Variants in ALLC observed in about 807,000 individuals in gnomAD.
ALLC encodes probable inactive allantoicase.
Under a neutral mutation model 45.0 loss-of-function variants are expected in ALLC, and 40 were observed. The ratio of observed to expected loss-of-function variants is 0.89; its 90% confidence interval spans 0.69 to 1.16. The LOEUF (loss-of-function observed/expected upper bound fraction) is 1.16. Among genes scored for constraint, ALLC ranks in the 50% most tolerant of loss-of-function variants. The pLI is 0.00. For synonymous variants in ALLC, 176 were observed against 178.1 expected, an observed-to-expected ratio of 0.99 and a Z score of 0.09; for missense variants, 488 against 493.1, an observed-to-expected ratio of 0.99 and a Z score of 0.10.
Position 3,702,228 on chromosome 2 carries a change from A to T in ALLC, c.976-135A>T, listed in dbSNP as rs561873720. On this transcript the variant is annotated intron_variant, in intron 11 of 11. Transcript: ENST00000252505. The stretch of plus-strand genomic sequence containing the variant: ...CTAGCAGATTTTCATGGAAAGCCCA[A>T]TTATCATCAATTAATAACTTATTTT... 1.0e-5 allele frequency: 7 copies of T among 689,896 alleles called. No individual in the cohort carries two copies. The African/African-American group carries it at 1.3e-4, about 13-fold the overall frequency. The allele number at this position is 689,896 out of a possible 1,614,324, so 42.7% of individuals were successfully genotyped here. A position where few individuals can be genotyped will look rare whatever the true frequency, so the allele number is the denominator to read the frequency against.
chr2:3,649,492 C>T, the ALLC span, among the ~76,000 whole-genome samples: 11 of 152,206 alleles, frequency 7.2e-5, no homozygotes, highest in Non-Finnish European at 5.9e-5. Context: ...CCACCCGCCT[C>T]GGCCTCCCAA....
At chr2:3,697,151 T>C (rs1302790566) in intron 9 of ALLC, among the ~76,000 whole-genome samples, 197 bp from the exon 10 acceptor site, 1 of 152,148 alleles carries the variant, frequency 6.6e-6, no homozygotes, top group Non-Finnish European at 1.5e-5. Flanking sequence ...AACTCACAAA[T>C]TGGCAAGAGA....
Position 3,702,579 on chromosome 2 carries a change from G to A in ALLC, c.*16G>A, listed in dbSNP as rs368510551. The A allele has an allele frequency of 5.9e-6, 9 of 1,517,920 alleles. No homozygotes were observed. The highest frequency in any genetic ancestry group is 7.9e-6 in the Non-Finnish European group (9 of 1,133,676). The allele number at this position is 1,517,920 out of a possible 1,614,324, so 94.0% of individuals were successfully genotyped here. On this transcript the variant is annotated 3_prime_UTR_variant, in exon 12 of 12. Transcript: ENST00000252505. ...AAACCCTTAACACACACAAAGCCCC[G>A]GTGTCGGACACACAGCAGTAATTTC...
chr2:3,654,890 G>A (rs1443437887), upstream of ALLC, among the ~76,000 whole-genome samples: 1 of 152,254 alleles, frequency 6.6e-6, no homozygotes, highest in Non-Finnish European at 1.5e-5. Flanking sequence ...GGATAAAGAA[G>A]CGCTTTGCAT....
At chr2:3,673,549 C>T (rs1294221223) in intron 2 of ALLC, among the ~76,000 whole-genome samples, 1 of 152,224 alleles carries the variant, frequency 6.6e-6, no homozygotes, top group Non-Finnish European at 1.5e-5. Flanking sequence ...TGACCACAGC[C>T]TGTTTTGCTC....
chr2:3,701,080 C>T (rs1472678793), intron 10 of ALLC, among the ~76,000 whole-genome samples: 4 of 152,210 alleles, frequency 2.6e-5, no homozygotes, highest in Non-Finnish European at 4.4e-5. Context: ...TAACATAAAA[C>T]TCAGTATTTC....
intron 2 of ALLC, among the ~76,000 whole-genome samples, chr2:3,673,222 C>A (rs66557864): frequency 0.22 from 34,065 of 152,190 alleles, 4,033 homozygotes; most frequent in African/African-American, 0.28. Context: ...GAACACGCTG[C>A]GCGTTTGTGA....
the ALLC span, among the ~76,000 whole-genome samples, chr2:3,649,377 G>A: frequency 1.2e-4 from 19 of 152,048 alleles, no homozygotes; most frequent in Non-Finnish European, 2.4e-4. Context: ...GAGCAGCTGG[G>A]TCTACAGGCG....
intron 4 of ALLC, among the ~76,000 whole-genome samples, chr2:3,678,996 G>C (rs1475095069): frequency 6.6e-6 from 1 of 152,064 alleles, no homozygotes; most frequent in African/African-American, 2.4e-5. Flanking sequence ...ACTGGGCCAG[G>C]GTCTGTCCTC....
chr2:3,698,758 A>T (rs1200481890), intron 10 of ALLC, among the ~76,000 whole-genome samples: 3 of 151,144 alleles, frequency 2.0e-5, no homozygotes, highest in African/African-American at 4.9e-5. Flanking sequence ...TTTTATTTTT[A>T]TTTATTTATT....
At chr2:3,646,979 C>T in the ALLC span, among the ~76,000 whole-genome samples, 7 of 152,126 alleles carry the variant, frequency 4.6e-5, no homozygotes, top group East Asian at 1.2e-3. Context: ...GGCAAGTCCT[C>T]AGTGGTCCCC....
At chr2:3,673,296 G>GC (rs912272727) in intron 2 of ALLC, among the ~76,000 whole-genome samples, 5 of 152,352 alleles carry the variant, frequency 3.3e-5, no homozygotes, top group Middle Eastern at 6.8e-3. Flanking sequence ...GAAGCCTTCT[G>GC]CTGAGGAGCC....
rs1667729630 is a variant in ALLC, at chr2:3,698,085, C to T, written c.850+629C>T. On this transcript the variant is annotated intron_variant, in intron 10 of 11. Coordinates refer to ENST00000252505, the MANE Select transcript of ALLC (RefSeq NM_018436.4). Reference sequence around the variant, plus strand: ...TTCAAGCGATTCTTCCTGCCTCTGCCTCCTGAGTAGCTGGGATTACAGGTG... The same window carrying T: ...TTCAAGCGATTCTTCCTGCCTCTGCTTCCTGAGTAGCTGGGATTACAGGTG... Among the ~76,000 whole-genome samples the T allele has an allele frequency of 1.3e-5, 2 of 152,084 alleles. 1 individual carries two copies. Among genetic ancestry groups the T allele is most frequent in the African/African-American group, 4.8e-5 (2 of 41,414 alleles).
intron 9 of ALLC, among the ~76,000 whole-genome samples, chr2:3,697,138 A>G (rs2303902): frequency 0.33 from 50,402 of 152,068 alleles, 8,489 homozygotes; most frequent in Middle Eastern, 0.41. Flanking sequence ...CTGGGACCCA[A>G]TGAACTCACA....
chr2:3,660,161 G>A (rs1415767795), intron 1 of ALLC, among the ~76,000 whole-genome samples: 1 of 152,162 alleles, frequency 6.6e-6, no homozygotes, highest in Non-Finnish European at 1.5e-5. Context: ...TGGTGAGACG[G>A]TTCTTCCTCT....
intron 1 of ALLC, among the ~76,000 whole-genome samples, chr2:3,667,887 C>T (rs1666768056): frequency 6.6e-6 from 1 of 152,224 alleles, no homozygotes; most frequent in African/African-American, 2.4e-5. Flanking sequence ...GCCTCAGCCT[C>T]CCGAGTAGCT....
rs558293434 is a variant in ALLC, at chr2:3,687,155, C to T, written c.511+4081C>T. Among the ~76,000 whole-genome samples the T allele has an allele frequency of 5.3e-5, 8 of 150,332 alleles. No homozygotes were observed. In the South Asian group the frequency reaches 8.4e-4, roughly 16 times the overall value. Reference sequence around the variant, plus strand: ...GGGTTTTTTTCTTATCATGAAGTGACGTTAAATTTTATCAAATGCTTTCCA... The same window carrying T: ...GGGTTTTTTTCTTATCATGAAGTGATGTTAAATTTTATCAAATGCTTTCCA... On this transcript the variant is annotated intron_variant, in intron 7 of 11. Coordinates refer to ENST00000252505, the MANE Select transcript of ALLC (RefSeq NM_018436.4).
At chr2:3,678,353 C>T in intron 3 of ALLC, 115 bp from the exon 4 acceptor site, 1 of 799,384 alleles carries the variant, frequency 1.3e-6, no homozygotes, top group Non-Finnish European at 2.1e-6. Flanking sequence ...GGCAGAGGCT[C>T]CCCTAGACCC....
At chr2:3,653,378 C>T (rs1666379151), upstream of ALLC, among the ~76,000 whole-genome samples, 1 of 152,214 alleles carries the variant, frequency 6.6e-6, no homozygotes, top group Non-Finnish European at 1.5e-5. The surrounding 1 kb of genome is among the most constrained non-coding windows in gnomAD (Gnocchi z 4.1). Flanking sequence ...GGACAGACAT[C>T]CATTGTGGCA....
Sources: allele counts gnomAD v4.1 joint callset (sites outside exome capture counted in the v4.1 genomes callset), GRCh38; gene constraint gnomAD v4.1.1; non-coding constraint Gnocchi (gnomAD v3.1); transcripts MANE v1.5; gene names NCBI Gene and HGNC (gene_info 2026-07-23, HGNC 2026-07-21).